Variants in PCDH15 observed in about 807,000 individuals in gnomAD.
PCDH15 encodes the protein protocadherin-15.
PCDH15 carries 129 observed loss-of-function variants against 178.5 expected under a neutral mutation model. That is an observed-to-expected ratio of 0.72 (90% CI 0.63 to 0.84). The LOEUF is 0.84. Ranked by LOEUF, PCDH15 falls within the 40% of genes least tolerant of loss-of-function variation. PCDH15 has a pLI of 0.00. For missense variants in PCDH15, 2,230 were observed against 2,099.9 expected (o/e 1.06, Z -1.21); for synonymous variants, 800 against 732.0 (o/e 1.09, Z -1.50).
chr10:54,069,285 T>A (rs2094196446), intron 17 of PCDH15, among the ~76,000 whole-genome samples: 1 of 152,200 alleles, frequency 6.6e-6, no homozygotes, highest in Non-Finnish European at 1.5e-5. Flanking sequence ...GTTTTTCTCA[T>A]CCTATTCTTT....
chr10:55,374,504 G>C (rs184387157), intron 2 of PCDH15, among the ~76,000 whole-genome samples: 1 of 152,106 alleles, frequency 6.6e-6, no homozygotes, highest in Non-Finnish European at 1.5e-5. Flanking sequence ...ATAGGCAATA[G>C]ATATCACTTG....
At chr10:53,897,588 T>C (rs2082036150) in intron 26 of PCDH15, among the ~76,000 whole-genome samples, 1 of 86,172 alleles carries the variant, frequency 1.2e-5, no homozygotes, top group South Asian at 6.2e-4. Flanking sequence ...TCATTGACAT[T>C]AAGTGTATTC....
intron 2 of PCDH15, among the ~76,000 whole-genome samples, chr10:55,552,166 C>T (rs1054906261): frequency 1.3e-5 from 2 of 151,642 alleles, no homozygotes; most frequent in Non-Finnish European, 3.0e-5. Flanking sequence ...AAAATATTGC[C>T]TTCTGGAATT....
At chr10:54,561,184 A>C (rs2088092434) in intron 2 of PCDH15, among the ~76,000 whole-genome samples, 1 of 152,176 alleles carries the variant, frequency 6.6e-6, no homozygotes, top group African/African-American at 2.4e-5. Context: ...ACACATCCCC[A>C]GGAAGTTTAT....
At chr10:55,500,653 C>A in intron 2 of PCDH15, among the ~76,000 whole-genome samples, 1 of 151,850 alleles carries the variant, frequency 6.6e-6, no homozygotes, top group East Asian at 2.0e-4. Flanking sequence ...TAGTGAGACC[C>A]TGATCATCCA....
chr10:54,978,912 C>CT (rs1839146726), intron 2 of PCDH15, among the ~76,000 whole-genome samples: 2 of 152,062 alleles, frequency 1.3e-5, no homozygotes, highest in Non-Finnish European at 2.9e-5. Flanking sequence ...ATTAGTCTGT[C>CT]TTTTGTCATA....
chr10:55,593,445 A>G (rs1842881007), intron 2 of PCDH15, among the ~76,000 whole-genome samples: 1 of 151,964 alleles, frequency 6.6e-6, no homozygotes, highest in Admixed American at 6.6e-5. Context: ...TAAAAATTAA[A>G]AGTCACATAA....
intron 5 of PCDH15, among the ~76,000 whole-genome samples, chr10:54,367,110 CT>C (rs1227883038): frequency 9.2e-5 from 14 of 151,914 alleles, no homozygotes; most frequent in African/African-American, 3.4e-4. Flanking sequence ...TAGGGAGGAT[CT>C]TATTCTAGGC....
chr10:54,232,133 A>G lies in PCDH15; in HGVS notation c.985+4690T>C, dbSNP rs535258196. On this transcript the variant is annotated intron_variant, in intron 9 of 37. Coordinates refer to ENST00000644397, the MANE Select transcript of PCDH15 (RefSeq NM_001384140.1). Reference sequence around the variant, plus strand: ...ATCTCATGTTAAATTGTAATCTCCAATGTAGGAGGAGGGACCTGGTAGGAG... The same window carrying G: ...ATCTCATGTTAAATTGTAATCTCCAGTGTAGGAGGAGGGACCTGGTAGGAG... 7.7e-4 allele frequency among the ~76,000 whole-genome samples: 117 copies of G among 152,252 alleles called. 1 individual carries two copies. Among genetic ancestry groups the G allele is most frequent in the African/African-American group, 2.7e-3 (114 of 41,544 alleles).
chr10:54,490,285 T>C (rs9415338), intron 3 of PCDH15, among the ~76,000 whole-genome samples: 31,762 of 151,544 alleles, frequency 0.21, 3,489 homozygotes, highest in South Asian at 0.35. Context: ...TCTGTCTCTA[T>C]TAAAAACACA....
At chr10:54,724,813 G>A (rs989501436) in intron 1 of PCDH15, among the ~76,000 whole-genome samples, 3 of 150,940 alleles carry the variant, frequency 2.0e-5, no homozygotes, top group Non-Finnish European at 4.4e-5. Context: ...TTAGATTCAG[G>A]TGGCACATAT....
At chr10:55,453,239 T>C (rs1381070901) in intron 2 of PCDH15, among the ~76,000 whole-genome samples, 1 of 152,086 alleles carries the variant, frequency 6.6e-6, no homozygotes, top group Non-Finnish European at 1.5e-5. Flanking sequence ...CATGTGAAAA[T>C]ACAAGATCAT....
chr10:54,427,300 C>G (rs1276201288), intron 3 of PCDH15, among the ~76,000 whole-genome samples: 1 of 64,870 alleles, frequency 1.5e-5, no homozygotes, highest in African/African-American at 7.0e-5. Flanking sequence ...TTTTTTGAGA[C>G]TGGGTTTCGC....
At chr10:53,981,929 G>A (rs538849104) in intron 21 of PCDH15, among the ~76,000 whole-genome samples, 1 of 151,426 alleles carries the variant, frequency 6.6e-6, no homozygotes, top group South Asian at 2.1e-4. Context: ...ATCTGACAAA[G>A]GGCTAATATC....
intron 1 of PCDH15, among the ~76,000 whole-genome samples, chr10:54,756,588 A>G (rs1393789497): frequency 6.6e-6 from 1 of 152,188 alleles, no homozygotes; most frequent in African/African-American, 2.4e-5. Flanking sequence ...GGCTTGGTGA[A>G]ACTGTAATGG....
chr10:55,513,710 G>T (rs981281578), intron 2 of PCDH15, among the ~76,000 whole-genome samples: 1 of 151,768 alleles, frequency 6.6e-6, no homozygotes, highest in African/African-American at 2.4e-5. Flanking sequence ...TATAACTCTT[G>T]CTGTTTCTTG....
intron 2 of PCDH15, among the ~76,000 whole-genome samples, chr10:54,546,120 G>T (rs2085826931): frequency 6.6e-6 from 1 of 152,160 alleles, no homozygotes; most frequent in Non-Finnish European, 1.5e-5. Context: ...TCGTGGTTAG[G>T]TATCTATTTG....
intron 3 of PCDH15, among the ~76,000 whole-genome samples, chr10:54,876,003 G>A (rs1954132811): frequency 6.6e-6 from 1 of 152,104 alleles, no homozygotes; most frequent in Non-Finnish European, 1.5e-5. Context: ...AGAAGTCAAT[G>A]CTTGACTTCA....
intron 1 of PCDH15, among the ~76,000 whole-genome samples, chr10:55,173,303 A>T: frequency 1.2e-5 from 1 of 84,390 alleles, no homozygotes. Context: ...CTATATTAGA[A>T]AGATTATGTG....
Sources: gnomAD v4.1 joint callset for allele counts (sites outside exome capture counted in the v4.1 genomes callset) on GRCh38, gnomAD v4.1.1 for gene constraint, MANE v1.5 for transcripts, NCBI Gene and HGNC (gene_info 2026-07-23, HGNC 2026-07-21) for gene names.